The following CMTM4 variants were observed in gnomAD, a reference collection of about 807,000 sequenced individuals.
CMTM4 encodes the protein CKLF like MARVEL transmembrane domain containing 4, also known as CKLF-like MARVEL transmembrane domain-containing protein 4.
In CMTM4, 8 loss-of-function variants were observed where a neutral mutation model predicts 19.0. The observed-to-expected ratio is 0.42, with a 90% CI of 0.25 to 0.76. The LOEUF is 0.76. Among genes scored for constraint, CMTM4 ranks in the 30% least tolerant of loss-of-function variants. CMTM4 has a pLI of 0.27. For missense variants in CMTM4, 228 were observed against 290.2 expected (o/e 0.79, Z 1.56); for synonymous variants, 106 against 121.1 (o/e 0.88, Z 0.82).
chr16:66,674,640 T>A (rs2016773196), intron 1 of CMTM4, among the ~76,000 whole-genome samples: 2 of 151,998 alleles, frequency 1.3e-5, no homozygotes, highest in South Asian at 4.2e-4. Flanking sequence ...GCAAGCTACC[T>A]GTGTATCTGT....
At position 66,686,456 on chromosome 16, in the gene CMTM4, G is replaced by C. The variant is rs184856409; in HGVS notation, c.186+9884C>G. ...CCCAGCTACTCAGGAGGCGGAGGCAGGAGAATTGCTTGAACCCAGGAGGTG... is the reference window on the plus strand; with the variant it reads ...CCCAGCTACTCAGGAGGCGGAGGCACGAGAATTGCTTGAACCCAGGAGGTG... On this transcript the variant is annotated intron_variant, in intron 1 of 3. Coordinates refer to ENST00000394106, the MANE Select transcript of CMTM4 (RefSeq NM_181521.3). 4.0e-5 allele frequency among the ~76,000 whole-genome samples: 6 copies of C among 150,466 alleles called. No individual in the cohort carries two copies. The East Asian group carries it at 1.2e-3, about 30-fold the overall frequency.
chr16:66,613,196 T>C (rs1453805080), downstream of CMTM4: 1 of 695,474 alleles, frequency 1.4e-6, no homozygotes, highest in Non-Finnish European at 2.6e-6. Context: ...AATTGACCTT[T>C]GCCTTGTCGC....
rs1193655793 is a variant in CMTM4, at chr16:66,622,470, C to A, written c.463-248G>T. Among the ~76,000 whole-genome samples, 1 of 152,196 alleles carries A rather than the reference C, an allele frequency of 6.6e-6. No homozygotes were observed. Among genetic ancestry groups the A allele is most frequent in the Non-Finnish European group, 1.5e-5 (1 of 68,038 alleles). On this transcript the variant is annotated intron_variant, in intron 3 of 3. Coordinates refer to ENST00000394106, the MANE Select transcript of CMTM4 (RefSeq NM_181521.3). The surrounding 1 kb of genome is among the most constrained non-coding windows in gnomAD (Gnocchi z 4.0). ...GTGCCCAGCCCTGCTGGATGTGTGG[C>A]TGTCACACCACAGCTGAGTCTCTAG...
chr16:66,608,492 G>T, the CMTM4 span: 27 of 1,611,002 alleles, frequency 1.7e-5, no homozygotes, highest in Non-Finnish European at 2.1e-5. The surrounding 1 kb of genome is among the most constrained non-coding windows in gnomAD (Gnocchi z 5.1). Context: ...AGGAGGGAGG[G>T]GTGCCCTGCA....
intron 1 of CMTM4, among the ~76,000 whole-genome samples, chr16:66,687,009 T>C (rs2017045920): frequency 6.6e-6 from 1 of 152,190 alleles, no homozygotes; most frequent in Non-Finnish European, 1.5e-5. Context: ...GATGATTATT[T>C]TTCTAATTTC....
chr16:66,607,798 T>G, the CMTM4 span, among the ~76,000 whole-genome samples: 1 of 149,250 alleles, frequency 6.7e-6, no homozygotes, highest in African/African-American at 2.4e-5. Context: ...TGCCCAGGAC[T>G]GGGAGGCAGC....
intron 1 of CMTM4, among the ~76,000 whole-genome samples, chr16:66,683,185 A>ACATG (rs1210050561): frequency 1.1e-5 from 1 of 86,980 alleles, no homozygotes; most frequent in African/African-American, 3.6e-5. Flanking sequence ...ACATATGTAT[A>ACATG]TATATATACA....
chr16:66,609,378 C>A, the CMTM4 span: 1 of 1,491,424 alleles, frequency 6.7e-7, no homozygotes, highest in Non-Finnish European at 9.2e-7. This position sits in a 1 kb window ranked among gnomAD's most constrained non-coding sequence, Gnocchi z 4.4. Context: ...GCCAGGCCTC[C>A]TCCCCATGCT....
chr16:66,613,514 C>T (rs961088503), downstream of CMTM4: 1 of 203,182 alleles, frequency 4.9e-6, no homozygotes, highest in Non-Finnish European at 1.0e-5. Flanking sequence ...TGAGACCAGC[C>T]TTCTGTGTTC....
rs908720550 is a variant in CMTM4 at position 66,617,878 on chromosome 16, C to T, written c.*4180G>A. The stretch of plus-strand genomic sequence containing the variant: ...CCAGCATCCCACTCTTGCCCTCAAG[C>T]TGACTGTGGAACGCGAGACAGCTTT... On this transcript the variant is annotated 3_prime_UTR_variant, in exon 4 of 4. Transcript: ENST00000394106. 97 of 988,506 alleles carry T rather than the reference C, an allele frequency of 9.8e-5. No homozygotes were observed. Among genetic ancestry groups the T allele is most frequent in the Non-Finnish European group, 1.1e-4 (95 of 832,184 alleles). The allele number at this position is 988,506 out of a possible 1,614,324, so 61.2% of individuals were successfully genotyped here. A position where few individuals can be genotyped will look rare whatever the true frequency, so the allele number is the denominator to read the frequency against.
the CMTM4 span, chr16:66,609,706 G>A: frequency 6.5e-7 from 1 of 1,549,240 alleles, no homozygotes; most frequent in Non-Finnish European, 8.7e-7. This position sits in a 1 kb window ranked among gnomAD's most constrained non-coding sequence, Gnocchi z 4.4. Flanking sequence ...GTTTTGAAAG[G>A]CTGTTTGTCA....
intron 1 of CMTM4, among the ~76,000 whole-genome samples, chr16:66,670,169 G>A (rs879842742): frequency 3.0e-4 from 45 of 151,778 alleles, no homozygotes; most frequent in South Asian, 8.3e-4. Context: ...CACTTCGGCC[G>A]GGCACGATGG....
intron 1 of CMTM4, among the ~76,000 whole-genome samples, chr16:66,657,915 G>T (rs1316940351): frequency 6.6e-6 from 1 of 152,116 alleles, no homozygotes; most frequent in Non-Finnish European, 1.5e-5. Context: ...AAATGCAAAA[G>T]GAATGATTGA....
intron 1 of CMTM4, among the ~76,000 whole-genome samples, chr16:66,680,492 A>G (rs1439138603): frequency 1.4e-5 from 2 of 147,370 alleles, no homozygotes; most frequent in Non-Finnish European, 3.0e-5. Flanking sequence ...AAAAAAAAAA[A>G]GGTCGGGCAT....
At chr16:66,658,141 G>A (rs1258419705) in intron 1 of CMTM4, among the ~76,000 whole-genome samples, 2 of 151,388 alleles carry the variant, frequency 1.3e-5, no homozygotes, top group African/African-American at 4.8e-5. Flanking sequence ...GAGGTGGGAG[G>A]ATCACTTGAG....
At position 66,636,556 on chromosome 16, in the gene CMTM4, C is replaced by G. The variant is rs1238717813; in HGVS notation, c.212G>C (p.Cys71Ser). The change falls in exon 2 of 4, where the codon TGC becomes TCC. Residue 71 changes from cysteine to serine, a missense_variant. Cys to Ser is a moderately radical substitution (Grantham distance 112). This residue lies in a region of CMTM4 where 200 missense variants were observed against 226.6 expected (regional missense o/e 0.88). Transcript: ENST00000394106. ...GGAGCATGCCATGATGGTCTCTATG[C>G]AGATGAATGCAATCAGGGCCAAGAT... is the stretch of plus-strand genomic sequence containing the variant. Reference protein sequence around the residue: ...QVILALIAFICIETIMACSPC... With the variant: ...QVILALIAFISIETIMACSPC... 1.9e-6 allele frequency: 3 copies of G among 1,614,122 alleles called. No homozygotes were observed. In the Admixed American group the frequency reaches 5.0e-5, roughly 27 times the overall value.
rs559030772 is a variant in CMTM4 at position 66,615,330 on chromosome 16, T to C, written c.*6728A>G. 6.6e-6 allele frequency: 1 copy of C among 152,344 alleles called. No individual in the cohort carries two copies. Among genetic ancestry groups the C allele is most frequent in the South Asian group, 2.1e-4 (1 of 4,834 alleles). 9.4% of individuals were successfully genotyped at this position (152,344 alleles called of 1,614,324 possible). Reference sequence around the variant, plus strand: ...GACCCTTCAGAAGGACACCAAAAGCTACAATTTTATGTTTCAATCCATCTG... The same window carrying C: ...GACCCTTCAGAAGGACACCAAAAGCCACAATTTTATGTTTCAATCCATCTG... On this transcript the variant is annotated 3_prime_UTR_variant, in exon 4 of 4. Coordinates refer to ENST00000394106, the MANE Select transcript of CMTM4 (RefSeq NM_181521.3). The surrounding 1 kb of genome is among the most constrained non-coding windows in gnomAD (Gnocchi z 4.9).
intron 1 of CMTM4, among the ~76,000 whole-genome samples, chr16:66,664,882 C>G (rs933085356): frequency 6.6e-6 from 1 of 152,074 alleles, no homozygotes; most frequent in African/African-American, 2.4e-5. Context: ...AATCCCAGCA[C>G]TTTGGGAGGC....
chr16:66,651,250 C>T (rs1462020960), intron 1 of CMTM4, among the ~76,000 whole-genome samples: 3 of 152,146 alleles, frequency 2.0e-5, no homozygotes, highest in Non-Finnish European at 4.4e-5. Flanking sequence ...CTCTCCGCAC[C>T]ATCTTTCACG....
Sources: allele counts gnomAD v4.1 joint callset (sites outside exome capture counted in the v4.1 genomes callset), GRCh38; gene constraint gnomAD v4.1.1; regional missense constraint gnomAD v4.1.1; non-coding constraint Gnocchi (gnomAD v3.1); transcripts MANE v1.5; gene names NCBI Gene and HGNC (gene_info 2026-07-23, HGNC 2026-07-21).